KHDRBS2: variants seen among roughly 807,000 people sequenced by gnomAD.
KHDRBS2 encodes the protein KH RNA binding domain containing, signal transduction associated 2, also known as KH domain-containing, RNA-binding, signal transduction-associated protein 2.
Under a neutral mutation model 44.3 loss-of-function variants are expected in KHDRBS2, and 26 were observed. That is an observed-to-expected ratio of 0.59 (90% confidence interval 0.43 to 0.81). The LOEUF (loss-of-function observed/expected upper bound fraction) is 0.81. KHDRBS2 is among the 40% of genes least tolerant of loss of function. The pLI is 0.00. For synonymous variants in KHDRBS2, 194 were observed against 151.1 expected (o/e 1.28, Z -2.08); for missense variants, 476 against 433.1 (o/e 1.10, Z -0.88).
At chr6:61,967,552 G>A (rs1164251283) in intron 4 of KHDRBS2, among the ~76,000 whole-genome samples, 1 of 151,808 alleles carries the variant, frequency 6.6e-6, no homozygotes, top group Non-Finnish European at 1.5e-5. Flanking sequence ...GAGGGCAAGA[G>A]CTATTATAGC....
At chr6:61,767,211 T>G (rs1325415534) in intron 6 of KHDRBS2, among the ~76,000 whole-genome samples, 1 of 152,100 alleles carries the variant, frequency 6.6e-6, no homozygotes, top group Admixed American at 6.6e-5. Flanking sequence ...CATAATGATC[T>G]CCTTTGTCTT....
the KHDRBS2 span, among the ~76,000 whole-genome samples, chr6:61,600,018 T>C: frequency 2.0e-5 from 3 of 152,156 alleles, no homozygotes; most frequent in Admixed American, 6.5e-5. Flanking sequence ...TATCAAAAAA[T>C]TACATGACAG....
At chr6:62,185,874 C>T (rs1179466717) in intron 1 of KHDRBS2, among the ~76,000 whole-genome samples, 3 of 151,958 alleles carry the variant, frequency 2.0e-5, no homozygotes, top group African/African-American at 4.8e-5. Context: ...TTATAAACTC[C>T]TACCACCTAA....
chr6:61,986,103 A>G (rs571128382), intron 3 of KHDRBS2, among the ~76,000 whole-genome samples: 1 of 152,324 alleles, frequency 6.6e-6, no homozygotes, highest in East Asian at 1.9e-4. Context: ...GTTTGAAGAA[A>G]GTTGTTTAAT....
intron 3 of KHDRBS2, among the ~76,000 whole-genome samples, chr6:61,999,162 A>G (rs1777761149): frequency 5.9e-5 from 9 of 152,052 alleles, no homozygotes; most frequent in Admixed American, 5.9e-4. Flanking sequence ...TGACCTAACA[A>G]ATGACCTGAC....
chr6:62,154,652 T>C (rs905105109), intron 2 of KHDRBS2, among the ~76,000 whole-genome samples: 9 of 152,196 alleles, frequency 5.9e-5, no homozygotes, highest in Non-Finnish European at 1.2e-4. Context: ...GAATGATTCA[T>C]GGATAAAGGA....
chr6:61,923,317 G>T (rs1012353590), intron 4 of KHDRBS2, among the ~76,000 whole-genome samples: 2 of 151,970 alleles, frequency 1.3e-5, no homozygotes, highest in African/African-American at 2.4e-5. Context: ...AGATTATGCA[G>T]ATATTAAAAG....
At position 62,124,457 on chromosome 6, in the gene KHDRBS2, T is replaced by A. The variant is rs1808464859; in HGVS notation, c.219+52728A>T. ...GACTCACAAAAACATGCAGAGATTCTTATCATGCAAACCTGTTTTGTGTCT... is the reference window on the plus strand; with the variant it reads ...GACTCACAAAAACATGCAGAGATTCATATCATGCAAACCTGTTTTGTGTCT... On this transcript the variant is annotated intron_variant, in intron 2 of 8. Coordinates refer to ENST00000281156, the MANE Select transcript of KHDRBS2 (RefSeq NM_152688.4). 3.3e-5 allele frequency among the ~76,000 whole-genome samples: 5 copies of A among 152,280 alleles called. No homozygotes were observed. In the South Asian group the frequency reaches 1.0e-3, roughly 32 times the overall value.
At chr6:61,951,309 A>G (rs1414790375) in intron 4 of KHDRBS2, among the ~76,000 whole-genome samples, 1 of 152,032 alleles carries the variant, frequency 6.6e-6, no homozygotes, top group East Asian at 1.9e-4. Flanking sequence ...TGGAGAAGAA[A>G]TTCTTCATGT....
intron 2 of KHDRBS2, among the ~76,000 whole-genome samples, chr6:62,101,968 C>T (rs1168338762): frequency 1.3e-5 from 2 of 152,130 alleles, no homozygotes; most frequent in East Asian, 1.9e-4. Flanking sequence ...GAAGTTTACT[C>T]ATATCTGTGG....
chr6:62,171,219 A>G (rs777568516), intron 2 of KHDRBS2, among the ~76,000 whole-genome samples: 10 of 152,056 alleles, frequency 6.6e-5, no homozygotes, highest in Non-Finnish European at 1.0e-4. Flanking sequence ...CAAGGAATCT[A>G]AGGAATACAA....
At chr6:62,013,343 AATG>A (rs568728251) in intron 3 of KHDRBS2, among the ~76,000 whole-genome samples, 88 of 152,224 alleles carry the variant, frequency 5.8e-4, no homozygotes, top group African/African-American at 2.0e-3. Context: ...AAAAATAATA[AATG>A]ATAAGGTACT....
chr6:61,648,926 C>T, the KHDRBS2 span, among the ~76,000 whole-genome samples: 3 of 152,046 alleles, frequency 2.0e-5, no homozygotes, highest in Non-Finnish European at 4.4e-5. Flanking sequence ...TAAGTATTTC[C>T]ATCCCTATGC....
chr6:61,625,145 T>A, the KHDRBS2 span, among the ~76,000 whole-genome samples: 1 of 151,876 alleles, frequency 6.6e-6, no homozygotes, highest in Non-Finnish European at 1.5e-5. Flanking sequence ...TTAATTGACA[T>A]GTGCAGCACT....
the KHDRBS2 span, among the ~76,000 whole-genome samples, chr6:61,578,881 G>A: frequency 7.9e-4 from 120 of 151,954 alleles, no homozygotes; most frequent in African/African-American, 2.5e-3. Flanking sequence ...CTTTCCTTTC[G>A]CCTCTAATAT....
chr6:61,816,570 C>T (rs1396790835), intron 6 of KHDRBS2: 1 of 442,092 alleles, frequency 2.3e-6, no homozygotes. Flanking sequence ...TTCTAGCCTC[C>T]AGAACTATGA....
the KHDRBS2 span, among the ~76,000 whole-genome samples, chr6:61,599,995 G>A: frequency 1.3e-5 from 2 of 152,304 alleles, no homozygotes; most frequent in African/African-American, 4.8e-5. Context: ...GATTCAGACA[G>A]TATGAAGATT....
intron 1 of KHDRBS2, among the ~76,000 whole-genome samples, chr6:62,274,338 A>C (rs1177256481): frequency 6.6e-6 from 1 of 152,180 alleles, no homozygotes; most frequent in African/African-American, 2.4e-5. Context: ...ATGCAGCTAC[A>C]TCATACTTTA....
At chr6:61,896,022 A>C (rs1802878592) in intron 5 of KHDRBS2, among the ~76,000 whole-genome samples, 1 of 152,080 alleles carries the variant, frequency 6.6e-6, no homozygotes, top group Non-Finnish European at 1.5e-5. Flanking sequence ...TATAAAGAAT[A>C]CTCTCCTAGA....
Sources: gnomAD v4.1 joint callset for allele counts (sites outside exome capture counted in the v4.1 genomes callset) on GRCh38, gnomAD v4.1.1 for gene constraint, MANE v1.5 for transcripts, NCBI Gene and HGNC (gene_info 2026-07-23, HGNC 2026-07-21) for gene names.